Variants in DNAH3 observed in about 807,000 individuals in gnomAD.
DNAH3 encodes the protein dynein axonemal heavy chain 3.
In DNAH3, 332 loss-of-function variants were observed where a neutral mutation model predicts 432.5. The ratio of observed to expected loss-of-function variants is 0.77; its 90% CI spans 0.70 to 0.84. The LOEUF is 0.84. DNAH3 is among the 40% of genes least tolerant of loss of function. The pLI is 0.00. For missense variants in DNAH3, 4,861 were observed against 5,114.0 expected, an observed-to-expected ratio of 0.95 and a Z score of 1.51; for synonymous variants, 1,956 against 1,900.2, an observed-to-expected ratio of 1.03 and a Z score of -0.76.
In DNAH3 at chr16:21,142,263, A is replaced by G. The variant is rs186628753; in HGVS notation, c.449-891T>C. On this transcript the variant is annotated intron_variant, in intron 3 of 61. Transcript: ENST00000261383. The stretch of plus-strand genomic sequence containing the variant: ...ACGCCTGTAATCCCAGCTACTCAGG[A>G]GGCTGAGGCAGAAGAATCGCTTGAA... Among the ~76,000 whole-genome samples, 294 of 152,068 alleles carry G rather than the reference A, an allele frequency of 1.9e-3. 2 individuals carry two copies. Among genetic ancestry groups the G allele is most frequent in the African/African-American group, 6.5e-3 (270 of 41,466 alleles).
chr16:20,958,549 T>C (rs544232755), intron 54 of DNAH3, among the ~76,000 whole-genome samples: 1 of 152,276 alleles, frequency 6.6e-6, no homozygotes, highest in East Asian at 1.9e-4. Flanking sequence ...CCAATACCTC[T>C]CTTTGCTTTT....
In DNAH3 at chr16:21,019,511, C is replaced by A. The variant is rs1263052479; in HGVS notation, c.6022+113G>T. ...CCTTACATATTTATTAGCCACCGTG[C>A]CTGGCCTTCTGTGGCTTTTGTAAAG... On this transcript the variant is annotated intron_variant, in intron 41 of 61. Transcript: ENST00000261383. 6.7e-6 allele frequency: 8 copies of A among 1,192,750 alleles called. No individual in the cohort carries two copies. In the African/African-American group the frequency reaches 9.1e-5, roughly 14 times the overall value. 73.9% of individuals were successfully genotyped at this position (1,192,750 alleles called of 1,614,324 possible). A position where few individuals can be genotyped will look rare whatever the true frequency, so the allele number is the denominator to read the frequency against.
chr16:21,139,674 C>T (rs1030234651), intron 5 of DNAH3, among the ~76,000 whole-genome samples: 1 of 151,784 alleles, frequency 6.6e-6, no homozygotes, highest in South Asian at 2.1e-4. Context: ...CTCCATGTTA[C>T]CCAGGCTGGT....
At chr16:21,143,632 T>A (rs1176423841) in intron 3 of DNAH3, among the ~76,000 whole-genome samples, 1 of 152,218 alleles carries the variant, frequency 6.6e-6, no homozygotes, top group Admixed American at 6.5e-5. Context: ...CTGTGTATCA[T>A]GATCTTGAAC....
chr16:21,000,656 A>T (rs1011705307), intron 42 of DNAH3, 138 bp from the exon 43 acceptor site: 1 of 682,298 alleles, frequency 1.5e-6, no homozygotes, highest in East Asian at 2.7e-5. Flanking sequence ...TAACCTCTCC[A>T]TGGGCCTCAG....
At chr16:21,117,658 C>A (rs1054425449) in intron 11 of DNAH3, among the ~76,000 whole-genome samples, 4 of 152,192 alleles carry the variant, frequency 2.6e-5, no homozygotes, top group African/African-American at 9.7e-5. Context: ...ACCTTCTGAA[C>A]TTTTCCTGCT....
intron 11 of DNAH3, chr16:21,120,687 A>AT (rs2092317376): frequency 7.1e-7 from 1 of 1,413,234 alleles, no homozygotes; most frequent in African/African-American, 1.4e-5. Flanking sequence ...ACCTGGTACA[A>AT]ACCATGTCTT....
intron 19 of DNAH3, among the ~76,000 whole-genome samples, chr16:21,086,611 C>T (rs1013525965): frequency 2.6e-5 from 4 of 152,200 alleles, no homozygotes; most frequent in Non-Finnish European, 4.4e-5. Context: ...TCGAACAACA[C>T]TCAACGAACC....
At chr16:20,960,251 C>T (rs2084758235) in intron 53 of DNAH3, among the ~76,000 whole-genome samples, 1 of 152,052 alleles carries the variant, frequency 6.6e-6, no homozygotes, top group Non-Finnish European at 1.5e-5. Flanking sequence ...GAAAATACTA[C>T]ACTTTATTTC....
chr16:21,010,848 T>C (rs182746710), intron 41 of DNAH3, among the ~76,000 whole-genome samples: 1,835 of 151,610 alleles, frequency 0.012, 15 homozygotes, highest in Non-Finnish European at 0.02. Context: ...TCTGTGTAGC[T>C]GGGATTACAG....
exon 44 of DNAH3, chr16:20,997,402 C>T: frequency 6.2e-7 from 1 of 1,614,208 alleles, no homozygotes; most frequent in Non-Finnish European, 8.5e-7. Context: ...AATCCACTGC[C>T]TCAGGAGCTC....
intron 55 of DNAH3, among the ~76,000 whole-genome samples, chr16:20,954,240 T>C (rs1596933442): frequency 6.9e-6 from 1 of 144,540 alleles, no homozygotes; most frequent in Non-Finnish European, 1.5e-5. Context: ...AAAAAAAAAA[T>C]TCGTTGTATG....
chr16:21,032,582 G>A (rs1328646662), intron 36 of DNAH3, among the ~76,000 whole-genome samples: 2 of 152,164 alleles, frequency 1.3e-5, no homozygotes, highest in Non-Finnish European at 2.9e-5. Flanking sequence ...GGAGGCTGAG[G>A]CAGGAGGATT....
chr16:21,018,601 A>C (rs2087981976), intron 41 of DNAH3, among the ~76,000 whole-genome samples: 1 of 152,202 alleles, frequency 6.6e-6, no homozygotes, highest in Non-Finnish European at 1.5e-5. Flanking sequence ...ATGATATTAA[A>C]ATATAACTGC....
intron 56 of DNAH3, among the ~76,000 whole-genome samples, chr16:20,951,018 G>T (rs1246863471): frequency 6.6e-6 from 1 of 151,864 alleles, no homozygotes; most frequent in Non-Finnish European, 1.5e-5. Flanking sequence ...GTAGAGATGT[G>T]GCCCAGACTG....
At chr16:21,143,151 T>C (rs1394932448) in intron 3 of DNAH3, among the ~76,000 whole-genome samples, 3 of 152,134 alleles carry the variant, frequency 2.0e-5, no homozygotes, top group Non-Finnish European at 2.9e-5. Context: ...TGGGAAGCAA[T>C]AGCACTAGTT....
At chr16:20,991,213 T>C (rs1430653873) in intron 44 of DNAH3, among the ~76,000 whole-genome samples, 3 of 152,150 alleles carry the variant, frequency 2.0e-5, no homozygotes, top group African/African-American at 7.2e-5. Flanking sequence ...TGTTTATTTG[T>C]AGACACCAGG....
At chr16:21,133,181 G>A (rs948170156) in intron 7 of DNAH3, among the ~76,000 whole-genome samples, 2 of 151,648 alleles carry the variant, frequency 1.3e-5, no homozygotes, top group South Asian at 2.1e-4. Flanking sequence ...GTGAAACTCC[G>A]TCTCTATCAA....
intron 16 of DNAH3, among the ~76,000 whole-genome samples, chr16:21,103,604 A>G (rs2091887487): frequency 6.6e-6 from 1 of 152,192 alleles, no homozygotes; most frequent in African/African-American, 2.4e-5. Context: ...CACTTAGGCC[A>G]CATTTTCCAG....
Sources: gnomAD v4.1 joint callset for allele counts (sites outside exome capture counted in the v4.1 genomes callset) on GRCh38, gnomAD v4.1.1 for gene constraint, MANE v1.5 for transcripts, NCBI Gene and HGNC (gene_info 2026-07-23, HGNC 2026-07-21) for gene names.